RYR3: variants seen among roughly 807,000 people sequenced by gnomAD.
RYR3 encodes the protein brain ryanodine receptor-calcium release channel.
A neutral mutation model predicts 584.3 loss-of-function variants in RYR3; 207 were observed. The observed-to-expected ratio is 0.35, with a 90% confidence interval of 0.32 to 0.40. The LOEUF (loss-of-function observed/expected upper bound fraction) is 0.40, where lower values mean the gene tolerates loss of function less well. RYR3 is among the 10% of genes least tolerant of loss of function. RYR3 has a pLI of 1.00. For missense variants in RYR3, 5,616 were observed against 6,089.2 expected (o/e 0.92, Z 2.59); for synonymous variants, 2,416 against 2,248.5 (o/e 1.07, Z -2.11).
intron 36 of RYR3, among the ~76,000 whole-genome samples, chr15:33,667,672 A>G (rs75407262): frequency 3.9e-5 from 6 of 152,170 alleles, no homozygotes; most frequent in African/African-American, 1.2e-4. Context: ...TTGTAGTCCT[A>G]TGTATTTTAT....
chr15:33,361,893 G>A (rs572317180), intron 1 of RYR3, among the ~76,000 whole-genome samples: 7 of 152,316 alleles, frequency 4.6e-5, no homozygotes, highest in African/African-American at 1.7e-4. Context: ...TGTGATGCTT[G>A]TTGTCAGGAA....
intron 12 of RYR3, among the ~76,000 whole-genome samples, chr15:33,574,157 A>G (rs559894860): frequency 3.3e-4 from 50 of 152,200 alleles, no homozygotes; most frequent in Non-Finnish European, 5.7e-4. Flanking sequence ...TGAGATTTCC[A>G]ACTCCCTGTG....
intron 1 of RYR3, among the ~76,000 whole-genome samples, chr15:33,340,344 A>G (rs933990331): frequency 3.3e-5 from 5 of 152,162 alleles, no homozygotes; most frequent in African/African-American, 1.2e-4. Context: ...CTAGAGTTGC[A>G]TTTGTTTCTT....
chr15:33,785,568 TC>T, intron 65 of RYR3, 93 bp from the exon 66 acceptor site: 1 of 1,029,180 alleles, frequency 9.7e-7, no homozygotes, highest in African/African-American at 1.6e-5. Context: ...AGAAATTTAT[TC>T]CTAAAGACCA....
rs1227900045 is a variant in RYR3, at chr15:33,864,311, C to A, written c.14517+122C>A. On this transcript the variant is annotated intron_variant, in intron 103 of 103. Transcript: ENST00000634891. Reference sequence around the variant, plus strand: ...CATTAATCCCGTGAATGCATTTTCCCATCACCTTTTTGTGACTCAATAAGA... The same window carrying A: ...CATTAATCCCGTGAATGCATTTTCCAATCACCTTTTTGTGACTCAATAAGA... The A allele has an allele frequency of 1.2e-5, 9 of 746,172 alleles. No individual in the cohort carries two copies. In the East Asian group the frequency reaches 2.5e-4, roughly 21 times the overall value. The allele number at this position is 746,172 out of a possible 1,614,324, so 46.2% of individuals were successfully genotyped here. A position where few individuals can be genotyped will look rare whatever the true frequency, so the allele number is the denominator to read the frequency against.
chr15:33,694,457 G>C (rs1202183130), intron 38 of RYR3, among the ~76,000 whole-genome samples: 2 of 151,996 alleles, frequency 1.3e-5, no homozygotes, highest in Non-Finnish European at 2.9e-5. Context: ...TGTTAGCCAG[G>C]ATAGTCTCCT....
At chr15:33,794,874 G>A (rs902238105) in intron 67 of RYR3, among the ~76,000 whole-genome samples, 1 of 152,182 alleles carries the variant, frequency 6.6e-6, no homozygotes, top group Non-Finnish European at 1.5e-5. Context: ...CCAGTGGATG[G>A]AGAAATACCC....
chr15:33,733,453 G>C (rs11072642), intron 48 of RYR3, among the ~76,000 whole-genome samples: 51,949 of 152,112 alleles, frequency 0.34, 9,880 homozygotes, highest in Admixed American at 0.46. Flanking sequence ...AAAATACATA[G>C]AGGAACCTTA....
chr15:33,630,321 C>T (rs558440577), intron 22 of RYR3, among the ~76,000 whole-genome samples: 28 of 152,224 alleles, frequency 1.8e-4, no homozygotes, highest in Admixed American at 8.5e-4. Flanking sequence ...TCCTGCAGTT[C>T]ACATTAAATA....
rs1292939668 is a variant in RYR3, at chr15:33,662,918, G to A, written c.5388G>A (p.Gln1796=). The change falls in exon 35 of 104, where the codon CAG becomes CAA. Residue 1796 remains glutamine, a synonymous_variant. Transcript: ENST00000634891. ...GKEAPVKGLL[Q]TRLPESVKLQ... ...AGGCTCCTGTCAAAGGCTTGTTGCA[G>A]ACTCGATTACCCGAATCCGTCAAGC... 3 of 1,613,148 alleles carry A rather than the reference G, an allele frequency of 1.9e-6. No individual in the cohort carries two copies. The highest frequency in any genetic ancestry group is 1.6e-4 in the Middle Eastern group (1 of 6,062).
chr15:33,655,970 C>G (rs2152694570), intron 32 of RYR3, among the ~76,000 whole-genome samples: 1 of 152,314 alleles, frequency 6.6e-6, no homozygotes, highest in East Asian at 1.9e-4. Context: ...CTAGACCTCC[C>G]CATTAAATAG....
Position 33,624,125 on chromosome 15 carries a change from C to A in RYR3, c.2574+102C>A, listed in dbSNP as rs1312564914. On this transcript the variant is annotated intron_variant, in intron 20 of 103. Coordinates refer to ENST00000634891, the MANE Select transcript of RYR3 (RefSeq NM_001036.6). ...TTGAACCTTTCTTAATATACATGCT[C>A]CAGAATTGTTGTATAATGTGAACAA... is the stretch of plus-strand genomic sequence containing the variant. The A allele has an allele frequency of 3.7e-6, 3 of 808,610 alleles. No individual in the cohort carries two copies. The East Asian group carries it at 7.3e-5, about 20-fold the overall frequency. The allele number at this position is 808,610 out of a possible 1,614,324, so 50.1% of individuals were successfully genotyped here.
At chr15:33,369,730 C>T (rs1177324742) in intron 1 of RYR3, among the ~76,000 whole-genome samples, 2 of 152,092 alleles carry the variant, frequency 1.3e-5, no homozygotes, top group African/African-American at 4.8e-5. Context: ...TATGAGACAC[C>T]CAGCACCTAT....
In RYR3 at chr15:33,482,698, C is replaced by T. The variant is rs971845912; in HGVS notation, c.171+9160C>T. Among the ~76,000 whole-genome samples the T allele has an allele frequency of 3.3e-5, 5 of 152,148 alleles. No individual in the cohort carries two copies. In the East Asian group the frequency reaches 9.6e-4, roughly 29 times the overall value. On this transcript the variant is annotated intron_variant, in intron 2 of 103. Coordinates refer to ENST00000634891, the MANE Select transcript of RYR3 (RefSeq NM_001036.6). ...CCTCCGAAAGTGCTGGGACTACAGGCGTGAGTCACTGTGCCCAGTCAGGTT... is the reference window on the plus strand; with the variant it reads ...CCTCCGAAAGTGCTGGGACTACAGGTGTGAGTCACTGTGCCCAGTCAGGTT...
intron 19 of RYR3, among the ~76,000 whole-genome samples, chr15:33,613,708 C>T (rs1314715132): frequency 6.6e-6 from 1 of 152,150 alleles, no homozygotes; most frequent in African/African-American, 2.4e-5. Flanking sequence ...TAAAAATCAC[C>T]TATGATTCCA....
At chr15:33,746,600 A>G (rs1376294304) in intron 53 of RYR3, among the ~76,000 whole-genome samples, 1 of 151,794 alleles carries the variant, frequency 6.6e-6, no homozygotes, top group Non-Finnish European at 1.5e-5. Flanking sequence ...GGGCTTCAAG[A>G]CCAGCCTGGC....
chr15:33,700,474 A>T (rs2066219674), intron 41 of RYR3, among the ~76,000 whole-genome samples: 1 of 152,238 alleles, frequency 6.6e-6, no homozygotes, highest in African/African-American at 2.4e-5. Context: ...TCTCAAATGC[A>T]ACCTCAGGCT....
In RYR3 at chr15:33,647,443, C is replaced by A. The variant is rs2062165059; in HGVS notation, c.3961C>A (p.Leu1321Ile). The change falls in exon 30 of 104, where the codon CTC (leucine) becomes ATC (isoleucine). Residue 1321 changes from leucine to isoleucine, a missense_variant. Transcript: ENST00000634891. ...CCCCAGGAAACAGATGCAAGAAATA[C>A]TCTCTCATACAACAACAGTAAGTAA... The part of the protein sequence containing the change: ...FQKRKQMQEI[L>I]SHTTTQCYYA... The A allele has an allele frequency of 1.2e-6, 2 of 1,606,332 alleles. No individual in the cohort carries two copies. Among genetic ancestry groups the A allele is most frequent in the Non-Finnish European group, 1.7e-6 (2 of 1,173,170 alleles).
At chr15:33,748,651 T>C in intron 55 of RYR3, 121 bp downstream of exon 55, 7 of 841,936 alleles carry the variant, frequency 8.3e-6, no homozygotes, top group Non-Finnish European at 1.4e-5. Context: ...AATTCAAAAC[T>C]GAAGACGGTC....
Sources: allele counts gnomAD v4.1 joint callset (sites outside exome capture counted in the v4.1 genomes callset), GRCh38; gene constraint gnomAD v4.1.1; transcripts MANE v1.5; gene names NCBI Gene and HGNC (gene_info 2026-07-23, HGNC 2026-07-21).